DPP6: variants seen among roughly 807,000 people sequenced by gnomAD.
The protein encoded by DPP6 is A-type potassium channel modulatory protein DPP6.
Under a neutral mutation model 122.6 loss-of-function variants are expected in DPP6, and 69 were observed. The observed-to-expected ratio is 0.56, with a 90% confidence interval of 0.46 to 0.69. The LOEUF (loss-of-function observed/expected upper bound fraction) is 0.69, where lower values mean the gene tolerates loss of function less well. Ranked by LOEUF, DPP6 falls within the 30% of genes least tolerant of loss-of-function variation. The probability of loss-of-function intolerance (pLI) is 0.00; values close to 1 mark genes in which losing one functional copy is unlikely to be tolerated. For missense variants in DPP6, 928 were observed against 1,116.9 expected (o/e 0.83, Z 2.41); for synonymous variants, 418 against 433.1 (o/e 0.97, Z 0.43).
At chr7:153,861,105 A>T in the DPP6 span, among the ~76,000 whole-genome samples, 1 of 152,234 alleles carries the variant, frequency 6.6e-6, no homozygotes, top group South Asian at 2.1e-4. Context: ...TTTTTTTTAA[A>T]ATCATATTTA....
chr7:154,463,426 C>T (rs1821498302), intron 2 of DPP6, among the ~76,000 whole-genome samples: 1 of 151,922 alleles, frequency 6.6e-6, no homozygotes, highest in Non-Finnish European at 1.5e-5. Flanking sequence ...CCAGGATGGT[C>T]TCGATCTCCT....
At chr7:153,998,321 C>A (rs1417261557) in intron 1 of DPP6, among the ~76,000 whole-genome samples, 1 of 152,182 alleles carries the variant, frequency 6.6e-6, no homozygotes, top group East Asian at 1.9e-4. Flanking sequence ...TATTTAATTT[C>A]ATGGTATAAG....
At chr7:154,544,837 A>C (rs1484718031) in intron 4 of DPP6, among the ~76,000 whole-genome samples, 1 of 152,220 alleles carries the variant, frequency 6.6e-6, no homozygotes, top group East Asian at 1.9e-4. Flanking sequence ...GGGCTCAGGC[A>C]GGAGGAGTGG....
intron 1 of DPP6, among the ~76,000 whole-genome samples, chr7:154,441,543 A>G (rs905399826): frequency 1.3e-5 from 2 of 152,150 alleles, no homozygotes; most frequent in African/African-American, 2.4e-5. Flanking sequence ...TCTCCTCTTC[A>G]TAAGGCACAA....
At chr7:154,110,774 A>G (rs913258283) in intron 1 of DPP6, among the ~76,000 whole-genome samples, 1 of 151,896 alleles carries the variant, frequency 6.6e-6, no homozygotes, top group Non-Finnish European at 1.5e-5. Context: ...CAGACAGACC[A>G]TGGCCCAGGA....
At chr7:154,671,743 G>A (rs1428320805) in intron 7 of DPP6, among the ~76,000 whole-genome samples, 1 of 152,186 alleles carries the variant, frequency 6.6e-6, no homozygotes, top group Non-Finnish European at 1.5e-5. Flanking sequence ...TGGAGATGAG[G>A]AGGGGATAAG....
intron 1 of DPP6, among the ~76,000 whole-genome samples, chr7:154,105,822 C>G (rs1263103879): frequency 2.0e-5 from 3 of 152,002 alleles, no homozygotes; most frequent in African/African-American, 7.3e-5. Context: ...AACTGTGAGT[C>G]CATTAAACCT....
chr7:153,754,519 C>T, the DPP6 span, among the ~76,000 whole-genome samples: 1 of 152,142 alleles, frequency 6.6e-6, no homozygotes. Flanking sequence ...TGTGCCTAGG[C>T]ATGATTTTCT....
chr7:153,783,994 A>T, the DPP6 span, among the ~76,000 whole-genome samples: 3 of 152,218 alleles, frequency 2.0e-5, no homozygotes. Context: ...AGAATCCATA[A>T]TGTGTGTGTT....
intron 6 of DPP6, among the ~76,000 whole-genome samples, chr7:154,656,201 G>A (rs1027432269): frequency 8.5e-6 from 1 of 118,228 alleles, no homozygotes; most frequent in Non-Finnish European, 1.8e-5. Context: ...AGGGGCAGTC[G>A]AGAGGGAGGT....
intron 4 of DPP6, among the ~76,000 whole-genome samples, chr7:154,548,851 AAG>A (rs1348733947): frequency 6.6e-5 from 10 of 152,242 alleles, no homozygotes; most frequent in Non-Finnish European, 1.5e-4. Flanking sequence ...GTGAGAAAGA[AAG>A]AGGATTGCTG....
At chr7:154,860,439 C>T (rs539117641) in intron 17 of DPP6, among the ~76,000 whole-genome samples, 1 of 151,928 alleles carries the variant, frequency 6.6e-6, no homozygotes, top group South Asian at 2.1e-4. Flanking sequence ...GATGGAAGGA[C>T]CCCAGGTTGC....
At chr7:154,045,780 TA>T (rs1563128305) in intron 1 of DPP6, among the ~76,000 whole-genome samples, 1 of 152,260 alleles carries the variant, frequency 6.6e-6, no homozygotes, top group Non-Finnish European at 1.5e-5. Flanking sequence ...GGATAATTTG[TA>T]GTATCAGTCT....
chr7:154,721,958 A>G (rs1841834654), intron 7 of DPP6, among the ~76,000 whole-genome samples: 1 of 151,528 alleles, frequency 6.6e-6, no homozygotes, highest in African/African-American at 2.4e-5. Flanking sequence ...TGAGGCCAGG[A>G]GTTCAAGACC....
chr7:153,777,504 T>A, the DPP6 span, among the ~76,000 whole-genome samples: 1 of 123,232 alleles, frequency 8.1e-6, no homozygotes, highest in African/African-American at 3.3e-5. Context: ...TTTCAACTGG[T>A]AAATTGATAA....
rs911871096 is a variant in DPP6 at position 153,969,387 on chromosome 7, G to A, written c.51+81653G>A. ...TTTTGTTCGAGCTGCTTTAACAGAA[G>A]AGCGGCTTTTTGGGATAAATTTCTC... On this transcript the variant is annotated intron_variant, in intron 1 of 25. Coordinates refer to the DPP6 transcript ENST00000404039. Among the ~76,000 whole-genome samples the A allele has an allele frequency of 1.7e-4, 25 of 147,232 alleles. 2 individuals carry two copies. The highest frequency in any genetic ancestry group is 6.7e-4 in the African/African-American group (25 of 37,294).
intron 1 of DPP6, among the ~76,000 whole-genome samples, chr7:154,205,636 G>C (rs1347919702): frequency 6.6e-6 from 1 of 152,112 alleles, no homozygotes; most frequent in East Asian, 1.9e-4. Flanking sequence ...GTCATGCCCA[G>C]GGATCACCCA....
chr7:154,587,473 G>C, intron 5 of DPP6: 1 of 690,490 alleles, frequency 1.4e-6, no homozygotes, highest in Non-Finnish European at 2.4e-6. Flanking sequence ...GCATGGTTCT[G>C]AGCAAGACAC....
At chr7:154,518,455 G>C (rs1257935506) in intron 3 of DPP6, among the ~76,000 whole-genome samples, 6 of 150,600 alleles carry the variant, frequency 4.0e-5, no homozygotes, top group East Asian at 1.9e-4. Context: ...AAATGACTCT[G>C]ACTTTGAGAA....
Sources: gnomAD v4.1 joint callset for allele counts (sites outside exome capture counted in the v4.1 genomes callset) on GRCh38, gnomAD v4.1.1 for gene constraint, MANE v1.5 for transcripts, NCBI Gene and HGNC (gene_info 2026-07-23, HGNC 2026-07-21) for gene names.